ZSWIM4: variants seen among roughly 807,000 people sequenced by gnomAD.
ZSWIM4 encodes zinc finger SWIM domain-containing protein 4.
ZSWIM4 carries 62 observed loss-of-function variants against 102.5 expected under a neutral mutation model. That is an observed-to-expected ratio of 0.60 (90% CI 0.49 to 0.75). The LOEUF is 0.75. ZSWIM4 is among the 30% of genes least tolerant of loss of function. The probability of loss-of-function intolerance (pLI) is 0.00; values close to 1 mark genes in which losing one functional copy is unlikely to be tolerated. For synonymous variants in ZSWIM4, 652 were observed against 674.5 expected, an observed-to-expected ratio of 0.97 and a Z score of 0.52; for missense variants, 1,280 against 1,529.6, an observed-to-expected ratio of 0.84 and a Z score of 2.72.
intron 10 of ZSWIM4, 97 bp downstream of exon 10, chr19:13,819,589 C>G: frequency 7.0e-7 from 1 of 1,428,740 alleles, no homozygotes; most frequent in Non-Finnish European, 9.4e-7. Flanking sequence ...AGCCTGAACT[C>G]ACAGCCTAGT....
chr19:13,815,456 ATTTTTTTTTTTTTTTT>A (rs758486796), intron 7 of ZSWIM4: 5 of 58,160 alleles, frequency 8.6e-5, no homozygotes, highest in African/African-American at 2.4e-4. Context: ...GTGCCTGGAA[ATTTTTTTTTTTTTTTT>A]TTTTTTTTTT....
rs201093465 is a variant in ZSWIM4, at chr19:13,804,889, G to C, written c.453G>C (p.Thr151=). 6.2e-7 allele frequency: 1 copy of C among 1,613,578 alleles called. No homozygotes were observed. Among genetic ancestry groups the C allele is most frequent in the Middle Eastern group, 1.6e-4 (1 of 6,062 alleles). Residue 151 remains threonine (T), a synonymous_variant, in exon 3 of 14, where the codon ACG becomes ACC. Coordinates refer to ENST00000590508, the MANE Select transcript of ZSWIM4 (RefSeq NM_001367834.3). The part of the protein sequence containing the change: ...VSISFDRCKI[T]SVSCGCDNRD... The stretch of plus-strand genomic sequence containing the variant: ...TCAGCTTTGATCGCTGCAAGATCAC[G>C]TCCGTGAGCTGCGGCTGTGACAACC...
chr19:13,801,355 G>T (rs1232027833), intron 2 of ZSWIM4, among the ~76,000 whole-genome samples: 2 of 152,154 alleles, frequency 1.3e-5, no homozygotes, highest in Non-Finnish European at 2.9e-5. Context: ...TAGTGAGACG[G>T]AGAGAAGAGC....
At chr19:13,826,115 G>A (rs996779029) in intron 12 of ZSWIM4, among the ~76,000 whole-genome samples, 12 of 152,180 alleles carry the variant, frequency 7.9e-5, no homozygotes, top group Admixed American at 4.6e-4. Context: ...GGGAGTGTGG[G>A]AATGGGGTTC....
intron 2 of ZSWIM4, among the ~76,000 whole-genome samples, chr19:13,801,209 G>A (rs548331089): frequency 1.6e-4 from 25 of 152,218 alleles, no homozygotes; most frequent in Admixed American, 1.6e-3. Flanking sequence ...GGTAGAGGTT[G>A]AGACATGGTG....
Position 13,823,374 on chromosome 19 carries a change from G to A in ZSWIM4, c.2089G>A (p.Ala697Thr), listed in dbSNP as rs749274309. ...GCCCATACTGGAGACAGCATTTCCTGCTGGAGAACCTCATCCCAGCCCGCT... is the reference window on the plus strand; with the variant it reads ...GCCCATACTGGAGACAGCATTTCCTACTGGAGAACCTCATCCCAGCCCGCT... Reference protein sequence around the residue: ...RLPILETAFPAGEPHPSPLDS... With the variant: ...RLPILETAFPTGEPHPSPLDS... The change falls in exon 11 of 14, where the codon GCT becomes ACT. Residue 697 changes from alanine (A) to threonine (T), a missense_variant. By Grantham distance (58) the Ala-to-Thr change is moderately conservative. Transcript: ENST00000590508. The A allele has an allele frequency of 6.2e-7, 1 of 1,614,006 alleles. No individual in the cohort carries two copies. Among genetic ancestry groups the A allele is most frequent in the East Asian group, 2.2e-5 (1 of 44,868 alleles).
At position 13,831,246 on chromosome 19, in the gene ZSWIM4, G is replaced by A; in HGVS notation, c.*196G>A. The stretch of plus-strand genomic sequence containing the variant: ...TGAGCAAGTGTGCAAGACTCCAGAA[G>A]CAGAAGCCATACTGCCACCCAGAAG... On this transcript the variant is annotated 3_prime_UTR_variant, in exon 14 of 14. Coordinates refer to ENST00000590508, the MANE Select transcript of ZSWIM4 (RefSeq NM_001367834.3). 1 of 681,460 alleles carries A rather than the reference G, an allele frequency of 1.5e-6. No individual in the cohort carries two copies. Among genetic ancestry groups the A allele is most frequent in the South Asian group, 2.3e-5 (1 of 43,770 alleles). 42.2% of individuals were successfully genotyped at this position (681,460 alleles called of 1,614,324 possible). A position where few individuals can be genotyped will look rare whatever the true frequency, so the allele number is the denominator to read the frequency against.
At chr19:13,812,330 G>A (rs576880629) in intron 5 of ZSWIM4, among the ~76,000 whole-genome samples, 24 of 152,030 alleles carry the variant, frequency 1.6e-4, no homozygotes, top group African/African-American at 5.8e-4. Flanking sequence ...GTCTCACTCT[G>A]TTGCCCAGGC....
intron 1 of ZSWIM4, among the ~76,000 whole-genome samples, chr19:13,798,512 A>C (rs1050495965): frequency 6.6e-6 from 1 of 152,162 alleles, no homozygotes; most frequent in African/African-American, 2.4e-5. Flanking sequence ...GGGTGGGAAG[A>C]TCTCACAACA....
At chr19:13,827,599 A>AAC (rs1176349343) in intron 12 of ZSWIM4, among the ~76,000 whole-genome samples, 2 of 150,914 alleles carry the variant, frequency 1.3e-5, no homozygotes, top group African/African-American at 4.9e-5. Flanking sequence ...AAAAAAAAAA[A>AAC]AAAAAAAAGA....
At position 13,819,489 on chromosome 19, in the gene ZSWIM4, T is replaced by G; in HGVS notation, c.2057T>G (p.Met686Arg). The G allele has an allele frequency of 6.3e-7, 1 of 1,595,700 alleles. No individual in the cohort carries two copies. Among genetic ancestry groups the G allele is most frequent in the Non-Finnish European group, 8.5e-7 (1 of 1,171,290 alleles). Residue 686 changes from methionine to arginine, a missense_variant, in exon 10 of 14, where the codon ATG becomes AGG. Physicochemically the swap from Met to Arg is moderately conservative, Grantham distance 91 (BLOSUM62 -1). Transcript: ENST00000590508. ...GCCTATCGCCTCGCGCTGCGAGCTATGAGGTGAGGATAGGTGGCCAAGGCA... is the reference window on the plus strand; with the variant it reads ...GCCTATCGCCTCGCGCTGCGAGCTAGGAGGTGAGGATAGGTGGCCAAGGCA... ...DLAYRLALRAMRLPILETAFP... is the reference protein window; with the variant it reads ...DLAYRLALRARRLPILETAFP...
intron 9 of ZSWIM4, 90 bp from the exon 10 acceptor site, chr19:13,819,267 C>A: frequency 6.5e-7 from 1 of 1,546,848 alleles, no homozygotes. Flanking sequence ...GGCCAGCCCA[C>A]CCTCTACTTA....
intron 6 of ZSWIM4, 53 bp from the exon 7 acceptor site, chr19:13,814,462 C>T: frequency 9.7e-7 from 1 of 1,034,980 alleles, no homozygotes; most frequent in Non-Finnish European, 1.2e-6. Flanking sequence ...GGACACGGCT[C>T]AACTGCTATA....
intron 1 of ZSWIM4, among the ~76,000 whole-genome samples, chr19:13,798,251 G>C (rs1029131509): frequency 6.6e-6 from 1 of 152,076 alleles, no homozygotes; most frequent in Non-Finnish European, 1.5e-5. Context: ...CAATCCTCCT[G>C]CCTCAGCCTC....
chr19:13,826,029 A>G (rs1975601754), intron 12 of ZSWIM4, among the ~76,000 whole-genome samples: 1 of 151,800 alleles, frequency 6.6e-6, no homozygotes, highest in African/African-American at 2.4e-5. Flanking sequence ...CTTGGGCCAC[A>G]CCTCTGCAGG....
chr19:13,801,020 G>A (rs1364873710), intron 2 of ZSWIM4, among the ~76,000 whole-genome samples: 1 of 152,162 alleles, frequency 6.6e-6, no homozygotes, highest in Non-Finnish European at 1.5e-5. Flanking sequence ...GCGGGTGCCT[G>A]TGGTCCCAGG....
Position 13,804,935 on chromosome 19 carries a change from C to A in ZSWIM4, c.499C>A (p.His167Asn). 1 of 1,613,518 alleles carries A rather than the reference C, an allele frequency of 6.2e-7. No homozygotes were observed. Among genetic ancestry groups the A allele is most frequent in the Non-Finnish European group, 8.5e-7 (1 of 1,180,030 alleles). Residue 167 changes from histidine (H) to asparagine (N), a missense_variant, in exon 3 of 14, where the codon CAC (histidine) becomes AAC (asparagine). Coordinates refer to ENST00000590508, the MANE Select transcript of ZSWIM4 (RefSeq NM_001367834.3). ...CDNRDLFYCA[H>N]VVALSLYRIR... is the part of the protein sequence containing the mutation. ...CAACCGCGACCTCTTCTACTGTGCC[C>A]ACGTGGTGGCCCTGTCCCTGTACCG... is the stretch of plus-strand genomic sequence containing the variant.
At chr19:13,817,117 TG>T in intron 7 of ZSWIM4, 98 bp from the exon 8 acceptor site, 2 of 1,469,284 alleles carry the variant, frequency 1.4e-6, no homozygotes, top group Non-Finnish European at 1.8e-6. Context: ...GTGGGCATTA[TG>T]GGGCTAGGCT....
In ZSWIM4 at chr19:13,819,472, C is replaced by T. The variant is rs1484827809; in HGVS notation, c.2040C>T (p.Arg680=). 2 of 1,604,682 alleles carry T rather than the reference C, an allele frequency of 1.2e-6. No homozygotes were observed. Among genetic ancestry groups the T allele is most frequent in the African/African-American group, 1.3e-5 (1 of 74,754 alleles). ...CTCATGACCCGGACCTGGCCTATCG[C>T]CTCGCGCTGCGAGCTATGAGGTGAG... ...LLPHDPDLAY[R]LALRAMRLPI... is the part of the protein sequence containing the mutation. Residue 680 remains arginine (R), a synonymous_variant, in exon 10 of 14, where the codon CGC becomes CGT. Transcript: ENST00000590508.
Sources: allele counts gnomAD v4.1 joint callset (sites outside exome capture counted in the v4.1 genomes callset), GRCh38; gene constraint gnomAD v4.1.1; transcripts MANE v1.5; gene names NCBI Gene and HGNC (gene_info 2026-07-23, HGNC 2026-07-21).